LSR: variants seen among roughly 807,000 people sequenced by gnomAD.
LSR encodes the protein lipolysis-stimulated lipoprotein receptor.
A neutral mutation model predicts 61.8 loss-of-function variants in LSR; 44 were observed. The observed-to-expected ratio is 0.71, with a 90% CI of 0.56 to 0.91. LSR has a LOEUF of 0.91. LSR is among the 40% of genes least tolerant of loss of function. The pLI is 0.00. For synonymous variants in LSR, 397 were observed against 350.6 expected (o/e 1.13, Z -1.48); for missense variants, 911 against 830.5 (o/e 1.10, Z -1.19).
chr19:35,257,246 G>A (rs1010203875), intron 2 of LSR, among the ~76,000 whole-genome samples: 1 of 152,192 alleles, frequency 6.6e-6, no homozygotes, highest in African/African-American at 2.4e-5. Context: ...ATTTTCACCA[G>A]GCAAAGGATG....
intron 1 of LSR, 53 bp downstream of exon 1, chr19:35,249,184 G>T: frequency 1.3e-6 from 2 of 1,499,924 alleles, no homozygotes; most frequent in South Asian, 2.6e-5. Context: ...AACTGTAGAG[G>T]GGGATGGATG....
intron 3 of LSR, 25 bp downstream of exon 3, chr19:35,259,089 G>C (rs768098728): frequency 2.5e-6 from 4 of 1,606,036 alleles, no homozygotes. Context: ...GAAGGGGGAG[G>C]CATGGCCCTT....
chr19:35,250,849 G>A (rs1288075739), intron 2 of LSR, among the ~76,000 whole-genome samples, 190 bp downstream of exon 2: 2 of 148,818 alleles, frequency 1.3e-5, no homozygotes, highest in Non-Finnish European at 3.0e-5. Flanking sequence ...AGGCTGGAGT[G>A]CAGTGGTGCG....
chr19:35,249,604 C>T (rs1485892127), intron 1 of LSR, among the ~76,000 whole-genome samples: 2 of 152,058 alleles, frequency 1.3e-5, no homozygotes, highest in African/African-American at 4.8e-5. Flanking sequence ...CTCCCCATCC[C>T]CCGCACCCCA....
In LSR at chr19:35,267,668, C is replaced by A; in HGVS notation, c.1704C>A (p.Tyr568Ter). The stretch of plus-strand genomic sequence containing the variant: ...AGGAGGAGGAGGAAGAGGCCTACTA[C>A]CCGCCCGCGCCGCCCCCGTACTCGG... ...PHKEEEEEAY[Y>*]PPAPPPYSET... is the part of the protein sequence containing the mutation. Residue 568 changes from tyrosine (Y) to a stop codon, truncating the protein, a stop_gained, in exon 9 of 10, where the codon TAC (tyrosine) becomes TAA (stop). Transcript: ENST00000605618. LOFTEE classifies it high-confidence loss of function. 1 of 1,605,700 alleles carries A rather than the reference C, an allele frequency of 6.2e-7. No individual in the cohort carries two copies. Among genetic ancestry groups the A allele is most frequent in the Non-Finnish European group, 8.5e-7 (1 of 1,176,600 alleles).
intron 2 of LSR, chr19:35,253,615 A>G (rs560001463): frequency 9.2e-5 from 14 of 152,430 alleles, no homozygotes; most frequent in African/African-American, 3.4e-4. Flanking sequence ...ATCGATGGGA[A>G]GCAGGGTTCC....
chr19:35,262,937 AT>A, intron 5 of LSR: 1 of 516,916 alleles, frequency 1.9e-6, no homozygotes, highest in Non-Finnish European at 3.4e-6. Context: ...CATGGTAAAA[AT>A]GTCCAACAGT....
In LSR at chr19:35,259,817, A is replaced by G. The variant is rs1017106264; in HGVS notation, c.574+753A>G. On this transcript the variant is annotated intron_variant, in intron 3 of 9. Coordinates refer to ENST00000605618, the MANE Select transcript of LSR (RefSeq NM_205834.4). ...TGGGATGGCGCTGCATGGCACACAC[A>G]CTGTGTAAGTTTGAGTGCAGCTGAA... Among the ~76,000 whole-genome samples the G allele has an allele frequency of 1.4e-4, 21 of 152,314 alleles. No individual in the cohort carries two copies. In the East Asian group the frequency reaches 1.9e-3, roughly 14 times the overall value.
At chr19:35,250,838 C>T (rs2065784841) in intron 2 of LSR, among the ~76,000 whole-genome samples, 179 bp downstream of exon 2, 1 of 150,776 alleles carries the variant, frequency 6.6e-6, no homozygotes. Context: ...CTCTGGACTC[C>T]AGGCTGGAGT....
Position 35,266,540 on chromosome 19 carries a change from C to T in LSR, c.952+8C>T, listed in dbSNP as rs758912303. ...TTGACAGGAGTAGCTCAGGTGAGGC[C>T]GGGGGAAGCAGGAACAGCTGGTGGG... On this transcript the variant is annotated splice_region_variant and intron_variant, in intron 6 of 9. Transcript: ENST00000605618. 5.6e-6 allele frequency: 9 copies of T among 1,598,268 alleles called. No homozygotes were observed. In the East Asian group the frequency reaches 6.7e-5, roughly 12 times the overall value.
At chr19:35,250,001 CTTG>C (rs2065769400) in intron 1 of LSR, among the ~76,000 whole-genome samples, 1 of 152,122 alleles carries the variant, frequency 6.6e-6, no homozygotes, top group South Asian at 2.1e-4. Context: ...ACAGAGGCCC[CTTG>C]TTGTGGGTGA....
chr19:35,261,624 C>A (rs992475096), intron 3 of LSR, among the ~76,000 whole-genome samples: 2 of 152,170 alleles, frequency 1.3e-5, no homozygotes, highest in Admixed American at 6.5e-5. Context: ...GGTGCTAAGA[C>A]CTATGAATGA....
At chr19:35,255,709 G>C (rs1205823619) in intron 2 of LSR, among the ~76,000 whole-genome samples, 1 of 152,166 alleles carries the variant, frequency 6.6e-6, no homozygotes, top group Non-Finnish European at 1.5e-5. Context: ...AGCCTTCCCT[G>C]GCCTCCTTGT....
At chr19:35,256,724 ATG>A (rs1491067247) in intron 2 of LSR, among the ~76,000 whole-genome samples, 6 of 124,240 alleles carry the variant, frequency 4.8e-5, no homozygotes, top group East Asian at 2.1e-4. Flanking sequence ...GAATGAATGA[ATG>A]AATGAAAGAA....
intron 2 of LSR, among the ~76,000 whole-genome samples, chr19:35,252,949 A>G (rs544270222): frequency 1.4e-3 from 211 of 152,210 alleles, no homozygotes; most frequent in African/African-American, 4.6e-3. Flanking sequence ...TGGGCTTGAG[A>G]GGTCAAGGCT....
chr19:35,266,796 A>G, intron 7 of LSR, 40 bp from the exon 8 acceptor site: 3 of 1,608,290 alleles, frequency 1.9e-6, no homozygotes, highest in Non-Finnish European at 2.5e-6. Context: ...GTGGGCCAGG[A>G]TCCATCCTCC....
At chr19:35,261,221 G>A (rs899055572) in intron 3 of LSR, among the ~76,000 whole-genome samples, 2 of 152,176 alleles carry the variant, frequency 1.3e-5, no homozygotes, top group South Asian at 4.1e-4. Context: ...TAGAGATGGA[G>A]ACCTTGTGGG....
In LSR at chr19:35,249,037, C is replaced by G; in HGVS notation, c.15C>G (p.Ala5=). The change falls in exon 1 of 10, where the codon GCC becomes GCG. Residue 5 remains alanine (A), a synonymous_variant. Transcript: ENST00000605618. ...AGACGGCCGCGATGGCGCTGTTGGC[C>G]GGCGGGCTCTCCAGAGGGCTGGGCT... MALL[A]GGLSRGLGSH... The G allele has an allele frequency of 6.3e-7, 1 of 1,595,654 alleles. No homozygotes were observed. Among genetic ancestry groups the G allele is most frequent in the Non-Finnish European group, 8.5e-7 (1 of 1,171,810 alleles).
intron 2 of LSR, among the ~76,000 whole-genome samples, chr19:35,253,865 AC>A (rs1466657207): frequency 6.6e-6 from 1 of 151,526 alleles, no homozygotes; most frequent in African/African-American, 2.4e-5. Flanking sequence ...GTCCAGGATG[AC>A]CCCCCAGGCT....
Sources: gnomAD v4.1 joint callset for allele counts (sites outside exome capture counted in the v4.1 genomes callset) on GRCh38, gnomAD v4.1.1 for gene constraint, MANE v1.5 for transcripts, NCBI Gene and HGNC (gene_info 2026-07-23, HGNC 2026-07-21) for gene names.